The following SLC8A1 variants were observed in gnomAD, a reference collection of about 807,000 sequenced individuals.
SLC8A1 encodes the protein solute carrier family 8 member A1.
In SLC8A1, 18 loss-of-function variants were observed where a neutral mutation model predicts 68.3. The observed-to-expected ratio is 0.26, with a 90% CI of 0.18 to 0.39. SLC8A1 has a LOEUF of 0.39. Ranked by LOEUF, SLC8A1 falls within the 10% of genes least tolerant of loss-of-function variation. The probability of loss-of-function intolerance (pLI) is 1.00; values close to 1 mark genes in which losing one functional copy is unlikely to be tolerated. For missense variants in SLC8A1, 985 were observed against 1,156.7 expected (o/e 0.85, Z 2.15); for synonymous variants, 475 against 415.5 (o/e 1.14, Z -1.74).
chr2:40,487,406 C>T (rs546682938), intron 1 of SLC8A1, among the ~76,000 whole-genome samples: 1 of 152,208 alleles, frequency 6.6e-6, no homozygotes, highest in African/African-American at 2.4e-5. Flanking sequence ...TTTCACATCT[C>T]TTGTTCTCTT....
intron 2 of SLC8A1, among the ~76,000 whole-genome samples, chr2:40,407,079 G>C (rs978830829): frequency 1.3e-5 from 2 of 152,054 alleles, no homozygotes; most frequent in Admixed American, 1.3e-4. Flanking sequence ...GTGTGTGGGT[G>C]TGTGTGAGAG....
intron 2 of SLC8A1, among the ~76,000 whole-genome samples, chr2:40,299,117 T>G (rs1255769636): frequency 6.6e-6 from 1 of 152,096 alleles, no homozygotes; most frequent in Non-Finnish European, 1.5e-5. Context: ...GACCTGGATT[T>G]GAGGTTGGCA....
chr2:40,272,448 G>C (rs144926975), intron 2 of SLC8A1, among the ~76,000 whole-genome samples: 5 of 152,260 alleles, frequency 3.3e-5, no homozygotes, highest in African/African-American at 9.6e-5. Flanking sequence ...TTCATTTGCA[G>C]ACAAGGATGA....
intron 2 of SLC8A1, among the ~76,000 whole-genome samples, chr2:40,281,263 TG>T (rs549673263): frequency 4.6e-5 from 7 of 151,692 alleles, no homozygotes; most frequent in Non-Finnish European, 7.4e-5. Context: ...AAAAAAGGGT[TG>T]GGGGGGTGCT....
chr2:40,468,935 C>A (rs981784317), intron 1 of SLC8A1, among the ~76,000 whole-genome samples: 1 of 151,844 alleles, frequency 6.6e-6, no homozygotes, highest in African/African-American at 2.4e-5. Context: ...TAAAGAAAAT[C>A]AAAAATCAAA....
intron 2 of SLC8A1, among the ~76,000 whole-genome samples, chr2:40,375,424 T>C (rs763874694): frequency 2.0e-5 from 3 of 152,098 alleles, no homozygotes; most frequent in Non-Finnish European, 2.9e-5. Flanking sequence ...TTACAATATA[T>C]CCAATTAGTA....
intron 2 of SLC8A1, among the ~76,000 whole-genome samples, chr2:40,235,457 A>AT (rs1281590713): frequency 1.3e-5 from 2 of 152,014 alleles, no homozygotes; most frequent in Admixed American, 6.5e-5. Context: ...CCCCTTTATC[A>AT]TTTTTTATTG....
chr2:40,345,629 A>G (rs773889586), intron 2 of SLC8A1, among the ~76,000 whole-genome samples: 26 of 152,220 alleles, frequency 1.7e-4, no homozygotes, highest in Non-Finnish European at 2.9e-4. Context: ...TGTAATGACC[A>G]GAAAATCTGC....
rs1391169737 is a variant in SLC8A1, at chr2:40,315,400, AGAGT to A, written c.1808+113069_1808+113072del. Among the ~76,000 whole-genome samples, 6 of 151,708 alleles carry A rather than the reference AGAGT, an allele frequency of 4.0e-5. No homozygotes were observed. The East Asian group carries it at 9.7e-4, about 25-fold the overall frequency. The stretch of plus-strand genomic sequence containing the variant: ...AGTTGTGCCTCAATGATACTAGATT[AGAGT>A]GAGTAAGGTAAATAACCATTTTCTT... On this transcript the variant is annotated intron_variant, in intron 2 of 7. Coordinates refer to ENST00000406785, the Ensembl canonical transcript of SLC8A1.
At position 40,475,471 on chromosome 2, in the gene SLC8A1, A is replaced by G. The variant is rs148864650; in HGVS notation, c.-25+36878T>C. On this transcript the variant is annotated intron_variant, in intron 1 of 7. Coordinates refer to the SLC8A1 transcript ENST00000402441. ...GAGGACCCAAAAAACTTTTGCTTAT[A>G]TAGATAATATCTGTAGGTATTTATT... 6.6e-4 allele frequency among the ~76,000 whole-genome samples: 101 copies of G among 152,218 alleles called. No homozygotes were observed. The East Asian group carries it at 0.015, about 22-fold the overall frequency.
At chr2:40,361,146 G>A (rs1674504360) in intron 2 of SLC8A1, among the ~76,000 whole-genome samples, 2 of 152,228 alleles carry the variant, frequency 1.3e-5, no homozygotes, top group South Asian at 2.1e-4. Context: ...GCATTCGGGT[G>A]TTAACAGTGA....
Position 40,348,035 on chromosome 2 carries a change from T to C in SLC8A1, c.1808+80438A>G, listed in dbSNP as rs537618988. On this transcript the variant is annotated intron_variant, in intron 2 of 7. Transcript: ENST00000406785. ...TTTGCTCCAGTGCTTCTTTATTTAC[T>C]GAAGGAAGGAGGTCAGTAATTTGGG... Among the ~76,000 whole-genome samples, 65 of 152,310 alleles carry C rather than the reference T, an allele frequency of 4.3e-4. No individual in the cohort carries two copies. The South Asian group carries it at 7.9e-3, about 18-fold the overall frequency.
rs929211066 is a variant in SLC8A1 at position 40,313,893 on chromosome 2, A to G, written c.1808+114580T>C. On this transcript the variant is annotated intron_variant, in intron 2 of 7. Coordinates refer to ENST00000406785, the Ensembl canonical transcript of SLC8A1. ...TTTTTGCTGTGTTTTCTTAATTGTT[A>G]AATTTTGAGCATTAATTAAATATTC... Among the ~76,000 whole-genome samples, 8 of 152,040 alleles carry G rather than the reference A, an allele frequency of 5.3e-5. No homozygotes were observed. The East Asian group carries it at 5.8e-4, about 11-fold the overall frequency.
chr2:40,107,617 C>T (rs1422783310), exon 8 of SLC8A1: 3 of 152,164 alleles, frequency 2.0e-5, no homozygotes, highest in Admixed American at 2.0e-4. Flanking sequence ...TTTCAAACAG[C>T]TCTGAATTTG....
chr2:40,238,310 G>C (rs970805803), intron 2 of SLC8A1, among the ~76,000 whole-genome samples: 4 of 152,146 alleles, frequency 2.6e-5, no homozygotes, highest in Non-Finnish European at 5.9e-5. Flanking sequence ...TCTCGTGGTG[G>C]GCCGTTTTTT....
intron 1 of SLC8A1, among the ~76,000 whole-genome samples, chr2:40,496,737 C>T (rs1350483885): frequency 6.6e-6 from 1 of 151,946 alleles, no homozygotes; most frequent in African/African-American, 2.4e-5. Flanking sequence ...CCACAGCCTA[C>T]ATATCCTTCA....
At chr2:40,173,383 A>G (rs1300535966) in intron 4 of SLC8A1, among the ~76,000 whole-genome samples, 1 of 152,230 alleles carries the variant, frequency 6.6e-6, no homozygotes, top group Non-Finnish European at 1.5e-5. Flanking sequence ...GCTTCAGATG[A>G]ATCAGATTTA....
chr2:40,412,788 C>G (rs986539955), intron 2 of SLC8A1, among the ~76,000 whole-genome samples: 5 of 152,140 alleles, frequency 3.3e-5, no homozygotes, highest in African/African-American at 1.2e-4. Context: ...AGACACCAAC[C>G]TCATTTTACT....
chr2:40,245,202 A>G (rs1270181315), intron 2 of SLC8A1, among the ~76,000 whole-genome samples: 1 of 115,206 alleles, frequency 8.7e-6, no homozygotes, highest in African/African-American at 3.8e-5. Context: ...CATAGGAGAA[A>G]CTTGGGATTC....
Sources: gnomAD v4.1 joint callset for allele counts (sites outside exome capture counted in the v4.1 genomes callset) on GRCh38, gnomAD v4.1.1 for gene constraint, MANE v1.5 for transcripts, NCBI Gene and HGNC (gene_info 2026-07-23, HGNC 2026-07-21) for gene names.